The following CNTNAP2 variants were observed in gnomAD, a reference collection of about 807,000 sequenced individuals.
The protein encoded by CNTNAP2 is contactin associated protein 2, also known as contactin-associated protein-like 2.
In CNTNAP2, 98 loss-of-function variants were observed where a neutral mutation model predicts 155.2. The observed-to-expected ratio is 0.63, with a 90% CI of 0.54 to 0.75. The LOEUF (loss-of-function observed/expected upper bound fraction) is 0.75. Ranked by LOEUF, CNTNAP2 falls within the 30% of genes least tolerant of loss-of-function variation. The pLI is 0.00. For synonymous variants in CNTNAP2, 651 were observed against 631.2 expected, an observed-to-expected ratio of 1.03 and a Z score of -0.47; for missense variants, 1,727 against 1,688.1, an observed-to-expected ratio of 1.02 and a Z score of -0.40.
chr7:147,199,312 T>C (rs1802875042), intron 8 of CNTNAP2, among the ~76,000 whole-genome samples: 1 of 152,138 alleles, frequency 6.6e-6, no homozygotes, highest in Non-Finnish European at 1.5e-5. Context: ...ATACAGGTTC[T>C]CCTCACAGTC....
At chr7:147,812,272 T>C (rs1188769335) in intron 13 of CNTNAP2, among the ~76,000 whole-genome samples, 1 of 152,196 alleles carries the variant, frequency 6.6e-6, no homozygotes, top group Non-Finnish European at 1.5e-5. Context: ...ACTTAGTCTT[T>C]CTTTTCTCAC....
In CNTNAP2 at chr7:146,888,429, TTACTC is replaced by T. The variant is rs1172578342; in HGVS notation, c.402+48528_402+48532del. Reference sequence around the variant, plus strand: ...TTGATATATTGGTAACAATTGTATTTTACTCTATCATTTCATATGTAAGGTAACTT... The same window carrying T: ...TTGATATATTGGTAACAATTGTATTTTATCATTTCATATGTAAGGTAACTT... On this transcript the variant is annotated intron_variant, in intron 3 of 23. Transcript: ENST00000361727. 1.3e-5 allele frequency among the ~76,000 whole-genome samples: 2 copies of T among 152,152 alleles called. 1 individual carries two copies. Among genetic ancestry groups the T allele is most frequent in the Non-Finnish European group, 2.9e-5 (2 of 68,010 alleles).
At chr7:146,511,851 T>C (rs1482925335) in intron 1 of CNTNAP2, among the ~76,000 whole-genome samples, 2 of 152,116 alleles carry the variant, frequency 1.3e-5, no homozygotes, top group East Asian at 1.9e-4. Context: ...AGTAGAATTG[T>C]TATTGGTTCT....
At chr7:148,232,817 G>T (rs1365916906) in intron 20 of CNTNAP2, among the ~76,000 whole-genome samples, 3 of 152,146 alleles carry the variant, frequency 2.0e-5, no homozygotes, top group East Asian at 1.9e-4. Flanking sequence ...GTTTACTTTC[G>T]TAGCTGGGTT....
intron 21 of CNTNAP2, among the ~76,000 whole-genome samples, chr7:148,356,461 G>A (rs577969915): frequency 3.3e-4 from 51 of 152,336 alleles, no homozygotes; most frequent in African/African-American, 1.1e-3. Flanking sequence ...AATAATAGAT[G>A]TGGAAAGCCG....
intron 1 of CNTNAP2, among the ~76,000 whole-genome samples, chr7:146,534,171 G>A (rs1170661526): frequency 1.3e-5 from 2 of 152,180 alleles, no homozygotes; most frequent in South Asian, 2.1e-4. Context: ...AAAAATGGGG[G>A]AAAGAAGGAC....
At chr7:146,422,586 A>G (rs1526154) in intron 1 of CNTNAP2, among the ~76,000 whole-genome samples, 64,369 of 151,724 alleles carry the variant, frequency 0.42, 16,628 homozygotes, top group African/African-American at 0.73. Context: ...AAATTGCCTT[A>G]TAGCACACAA....
chr7:147,125,795 G>A (rs188055109), intron 6 of CNTNAP2, among the ~76,000 whole-genome samples: 299 of 152,290 alleles, frequency 2.0e-3, no homozygotes, highest in African/African-American at 6.9e-3. Context: ...GGGTTTATGA[G>A]GAGGCAACAG....
intron 2 of CNTNAP2, among the ~76,000 whole-genome samples, chr7:146,787,535 A>G (rs1802595928): frequency 6.6e-6 from 1 of 152,190 alleles, no homozygotes; most frequent in African/African-American, 2.4e-5. Flanking sequence ...CCCTGGCCTC[A>G]GGAGTGAAGG....
intron 14 of CNTNAP2, chr7:147,940,303 T>TAAAACAAAAAAAAA (rs1800695333): frequency 1.1e-5 from 1 of 91,694 alleles, no homozygotes; most frequent in Admixed American, 1.6e-4. Context: ...CCTGTCTCTT[T>TAAAACAAAAAAAAA]AAAAAAAAAA....
intron 21 of CNTNAP2, among the ~76,000 whole-genome samples, chr7:148,326,092 C>T (rs771869610): frequency 6.6e-6 from 1 of 151,924 alleles, no homozygotes; most frequent in African/African-American, 2.4e-5. Context: ...TGCAGACACC[C>T]AAGTGCACCC....
chr7:148,349,178 A>T (rs1798374215), intron 21 of CNTNAP2, among the ~76,000 whole-genome samples: 7 of 152,170 alleles, frequency 4.6e-5, no homozygotes. Context: ...ATACGATGAA[A>T]AAAATGGTAG....
At chr7:147,628,083 C>T (rs1198058403) in intron 12 of CNTNAP2, among the ~76,000 whole-genome samples, 1 of 152,058 alleles carries the variant, frequency 6.6e-6, no homozygotes, top group Non-Finnish European at 1.5e-5. Context: ...AGGAAAACTT[C>T]CCTGGCCTTG....
At chr7:146,412,258 T>C (rs1718098) in intron 1 of CNTNAP2, among the ~76,000 whole-genome samples, 5,426 of 152,340 alleles carry the variant, frequency 0.036, 344 homozygotes, top group African/African-American at 0.12. Context: ...ACAAAGTCAC[T>C]ACACGCTTCA....
chr7:146,426,435 T>A (rs1195709750), intron 1 of CNTNAP2, among the ~76,000 whole-genome samples: 3 of 146,800 alleles, frequency 2.0e-5, no homozygotes, highest in South Asian at 2.2e-4. Context: ...ACACACACAT[T>A]TATACACACA....
chr7:147,759,217 G>C (rs1422752239), intron 13 of CNTNAP2, among the ~76,000 whole-genome samples: 1 of 152,094 alleles, frequency 6.6e-6, no homozygotes, highest in Non-Finnish European at 1.5e-5. Context: ...TTTATAAAAA[G>C]AAATTATGTT....
At chr7:146,926,081 C>G (rs1057322918) in intron 3 of CNTNAP2, among the ~76,000 whole-genome samples, 2 of 152,082 alleles carry the variant, frequency 1.3e-5, no homozygotes, top group Non-Finnish European at 2.9e-5. Flanking sequence ...TAATAATACT[C>G]AAATGCTTAT....
chr7:146,572,489 A>G (rs543781651), intron 1 of CNTNAP2, among the ~76,000 whole-genome samples: 1 of 152,212 alleles, frequency 6.6e-6, no homozygotes, highest in South Asian at 2.1e-4. Flanking sequence ...AACCAAAACT[A>G]TGAAACATGA....
intron 13 of CNTNAP2, among the ~76,000 whole-genome samples, chr7:147,875,925 A>G (rs1294451895): frequency 6.6e-6 from 1 of 152,136 alleles, no homozygotes; most frequent in Non-Finnish European, 1.5e-5. Flanking sequence ...AAAATATTTG[A>G]GAGTACAGAG....
Sources: allele counts gnomAD v4.1 joint callset (sites outside exome capture counted in the v4.1 genomes callset), GRCh38; gene constraint gnomAD v4.1.1; transcripts MANE v1.5; gene names NCBI Gene and HGNC (gene_info 2026-07-23, HGNC 2026-07-21).